ABHD2: variants seen among roughly 807,000 people sequenced by gnomAD.
The protein encoded by ABHD2 is monoacylglycerol lipase ABHD2.
ABHD2 carries 20 observed loss-of-function variants against 48.1 expected under a neutral mutation model. The ratio of observed to expected loss-of-function variants is 0.42; its 90% CI spans 0.29 to 0.60. ABHD2 has a LOEUF of 0.60. ABHD2 is among the 20% of genes least tolerant of loss of function. The pLI is 0.24. For missense variants in ABHD2, 405 were observed against 550.9 expected, an observed-to-expected ratio of 0.74 and a Z score of 2.65; for synonymous variants, 209 against 214.2, an observed-to-expected ratio of 0.98 and a Z score of 0.21.
chr15:89,140,860 A>G (rs1242161893), intron 3 of ABHD2, among the ~76,000 whole-genome samples: 1 of 152,190 alleles, frequency 6.6e-6, no homozygotes, highest in Non-Finnish European at 1.5e-5. Context: ...CCACAGCCCC[A>G]GCCATCTTCG....
rs2050488651 is a variant in ABHD2, at chr15:89,146,238, A to G, written c.195-5439A>G. ...AGGAACTTAGGTACCATAAGGAAGA[A>G]CTGGTCACCCACTGGTTTAAGGCAA... On this transcript the variant is annotated intron_variant, in intron 3 of 10. Coordinates refer to ENST00000352732, the MANE Select transcript of ABHD2 (RefSeq NM_152924.5). This position sits in a 1 kb window ranked among gnomAD's most constrained non-coding sequence, Gnocchi z 4.2. Among the ~76,000 whole-genome samples the G allele has an allele frequency of 6.6e-6, 1 of 152,180 alleles. No homozygotes were observed. Among genetic ancestry groups the G allele is most frequent in the South Asian group, 2.1e-4 (1 of 4,830 alleles).
the ABHD2 span, among the ~76,000 whole-genome samples, chr15:89,042,712 T>C: frequency 6.6e-6 from 1 of 151,910 alleles, no homozygotes; most frequent in African/African-American, 2.4e-5. Context: ...AGTGGGGTGA[T>C]CTTGGCTCAC....
intron 1 of ABHD2, among the ~76,000 whole-genome samples, chr15:89,112,572 T>G (rs2049892471): frequency 6.6e-6 from 1 of 152,190 alleles, no homozygotes; most frequent in South Asian, 2.1e-4. Flanking sequence ...GTTCTGAAGG[T>G]TAATTGATTC....
the ABHD2 span, among the ~76,000 whole-genome samples, chr15:89,066,899 G>A: frequency 6.6e-6 from 1 of 152,202 alleles, no homozygotes; most frequent in Non-Finnish European, 1.5e-5. Flanking sequence ...TTCTCCAGAT[G>A]CCATGAAGTC....
At chr15:89,060,755 G>T in the ABHD2 span, among the ~76,000 whole-genome samples, 3 of 152,034 alleles carry the variant, frequency 2.0e-5, no homozygotes, top group Non-Finnish European at 4.4e-5. Context: ...AAGACAAAGG[G>T]GGGAAGTGTC....
Position 89,091,107 on chromosome 15 carries a change from G to T in ABHD2, c.-107+2544G>T, listed in dbSNP as rs987135896. ...TTTTCCTCTCATTTTAGTCAGGGTC[G>T]TTCACTTTTTTCCCTTTTTACTCTC... On this transcript the variant is annotated intron_variant, in intron 1 of 10. Coordinates refer to ENST00000352732, the MANE Select transcript of ABHD2 (RefSeq NM_152924.5). The surrounding 1 kb of genome is among the most constrained non-coding windows in gnomAD (Gnocchi z 5.5). Among the ~76,000 whole-genome samples the T allele has an allele frequency of 3.2e-4, 48 of 152,230 alleles. No homozygotes were observed. The highest frequency in any genetic ancestry group is 2.1e-4 in the South Asian group (1 of 4,824).
chr15:89,076,097 T>C, the ABHD2 span, among the ~76,000 whole-genome samples: 10 of 152,178 alleles, frequency 6.6e-5, no homozygotes, highest in African/African-American at 2.4e-4. Flanking sequence ...ATGTGCTTGC[T>C]CTCTTTCTCT....
chr15:89,073,447 G>C, the ABHD2 span, among the ~76,000 whole-genome samples: 30,250 of 152,024 alleles, frequency 0.2, 3,687 homozygotes, highest in East Asian at 0.35. Flanking sequence ...AGGTGCCCAC[G>C]ACCATGCCTG....
rs553893155 is a variant in ABHD2, at chr15:89,088,507, G to T, written c.-163G>T. On this transcript the variant is annotated 5_prime_UTR_variant, in exon 1 of 11. It introduces an in-frame stop codon into an upstream open reading frame of the 5' UTR. Coordinates refer to ENST00000352732, the MANE Select transcript of ABHD2 (RefSeq NM_152924.5). This position sits in a 1 kb window ranked among gnomAD's most constrained non-coding sequence, Gnocchi z 6.8. ...ATCCATGAGCGCCGCTGGCAGCCGGGGAGCTGCAGGAACCAGACTGGGGGC... is the reference window on the plus strand; with the variant it reads ...ATCCATGAGCGCCGCTGGCAGCCGGTGAGCTGCAGGAACCAGACTGGGGGC... The T allele has an allele frequency of 2.3e-4, 35 of 152,822 alleles. 1 individual carries two copies. In the South Asian group the frequency reaches 6.8e-3, roughly 30 times the overall value. The allele number at this position is 152,822 out of a possible 1,614,324, so 9.5% of individuals were successfully genotyped here.
At chr15:89,059,052 G>A in the ABHD2 span, among the ~76,000 whole-genome samples, 37 of 152,178 alleles carry the variant, frequency 2.4e-4, no homozygotes, top group African/African-American at 7.5e-4. Flanking sequence ...AATGGGGCAC[G>A]CAGAGAGCTG....
intron 1 of ABHD2, among the ~76,000 whole-genome samples, chr15:89,107,764 C>A (rs2049809560): frequency 6.6e-6 from 1 of 152,090 alleles, no homozygotes; most frequent in African/African-American, 2.4e-5. Context: ...ACAGAGAAAT[C>A]CTTTAGGGGT....
At chr15:89,078,723 G>A in the ABHD2 span, among the ~76,000 whole-genome samples, 1 of 91,080 alleles carries the variant, frequency 1.1e-5, no homozygotes, top group Non-Finnish European at 2.5e-5. Flanking sequence ...TGACAATGTA[G>A]GCTTTTTTTT....
the ABHD2 span, among the ~76,000 whole-genome samples, chr15:89,058,638 C>T: frequency 6.6e-6 from 1 of 152,090 alleles, no homozygotes. Context: ...CAGGAGTGCC[C>T]CTGGACATCG....
chr15:89,170,056 A>G, intron 5 of ABHD2, among the ~76,000 whole-genome samples: 1 of 129,900 alleles, frequency 7.7e-6, no homozygotes, highest in African/African-American at 2.9e-5. Flanking sequence ...GATGGCTCAG[A>G]GCCATTCCAT....
chr15:89,194,731 G>A (rs1243347041), intron 10 of ABHD2, among the ~76,000 whole-genome samples: 1 of 152,070 alleles, frequency 6.6e-6, no homozygotes, highest in Non-Finnish European at 1.5e-5. Flanking sequence ...CCCACTTCAG[G>A]CTTATTAAAT....
rs2049588771 is a variant in ABHD2, at chr15:89,094,950, G to C, written c.-107+6387G>C. Reference sequence around the variant, plus strand: ...ATGGTGGTTCACACTCAGAATCCCAGCTACTCGGGAAGCTGAAGCAGGAGA... The same window carrying C: ...ATGGTGGTTCACACTCAGAATCCCACCTACTCGGGAAGCTGAAGCAGGAGA... On this transcript the variant is annotated intron_variant, in intron 1 of 10. Transcript: ENST00000352732. This position sits in a 1 kb window ranked among gnomAD's most constrained non-coding sequence, Gnocchi z 4.7. Among the ~76,000 whole-genome samples, 1 of 150,580 alleles carries C rather than the reference G, an allele frequency of 6.6e-6. No individual in the cohort carries two copies. The highest frequency in any genetic ancestry group is 1.5e-5 in the Non-Finnish European group (1 of 67,864).
At chr15:89,183,384 A>AAAAAAATATATAT (rs61602174) in intron 6 of ABHD2, 4 of 46,274 alleles carry the variant, frequency 8.6e-5, no homozygotes, top group African/African-American at 2.1e-4. Flanking sequence ...AAAAAAAAAA[A>AAAAAAATATATAT]ATATATATAT....
intron 1 of ABHD2, among the ~76,000 whole-genome samples, chr15:89,089,458 G>T (rs1025999943): frequency 1.7e-4 from 26 of 152,218 alleles, no homozygotes; most frequent in African/African-American, 6.0e-4. Context: ...AAAGATAGAG[G>T]TTTATTTAGC....
At position 89,164,119 on chromosome 15, in the gene ABHD2, C is replaced by T. The variant is rs996845599; in HGVS notation, c.538+8585C>T. Among the ~76,000 whole-genome samples the T allele has an allele frequency of 3.9e-5, 6 of 152,204 alleles. No individual in the cohort carries two copies. Among genetic ancestry groups the T allele is most frequent in the African/African-American group, 1.4e-4 (6 of 41,454 alleles). On this transcript the variant is annotated intron_variant, in intron 5 of 10. Transcript: ENST00000352732. This position sits in a 1 kb window ranked among gnomAD's most constrained non-coding sequence, Gnocchi z 5.0. Reference sequence around the variant, plus strand: ...GATCTTTTGTTCAGCCAGCATCCTCCAGACAATGATGGGGCCAGCCTCTGC... The same window carrying T: ...GATCTTTTGTTCAGCCAGCATCCTCTAGACAATGATGGGGCCAGCCTCTGC...
Sources: gnomAD v4.1 joint callset for allele counts (sites outside exome capture counted in the v4.1 genomes callset) on GRCh38, gnomAD v4.1.1 for gene constraint, Gnocchi (gnomAD v3.1) non-coding constraint, MANE v1.5 for transcripts, NCBI Gene and HGNC (gene_info 2026-07-23, HGNC 2026-07-21) for gene names.